NEGR1: variants seen among roughly 807,000 people sequenced by gnomAD.
NEGR1 encodes the protein IgLON family member 4.
A neutral mutation model predicts 40.9 loss-of-function variants in NEGR1; 10 were observed. That is an observed-to-expected ratio of 0.24 (90% CI 0.15 to 0.42). NEGR1 has a LOEUF of 0.42. Among genes scored for constraint, NEGR1 ranks in the 10% least tolerant of loss-of-function variants. The pLI is 1.00. For synonymous variants in NEGR1, 185 were observed against 166.8 expected, an observed-to-expected ratio of 1.11 and a Z score of -0.84; for missense variants, 352 against 438.9, an observed-to-expected ratio of 0.80 and a Z score of 1.77.
chr1:71,880,767 T>C (rs1227533659), intron 2 of NEGR1, among the ~76,000 whole-genome samples: 2 of 152,026 alleles, frequency 1.3e-5, no homozygotes, highest in Non-Finnish European at 2.9e-5. Context: ...AGTAAGAGCT[T>C]TCGACCAAAG....
intron 1 of NEGR1, among the ~76,000 whole-genome samples, chr1:72,205,163 A>G (rs1359822397): frequency 6.6e-6 from 1 of 152,056 alleles, no homozygotes; most frequent in African/African-American, 2.4e-5. Flanking sequence ...AATTGCTAAT[A>G]TGGAATTTAA....
At chr1:71,544,152 T>C (rs1557561286) in intron 6 of NEGR1, among the ~76,000 whole-genome samples, 1 of 151,684 alleles carries the variant, frequency 6.6e-6, no homozygotes. Context: ...ATTTCAACTA[T>C]TTGCTGAAAT....
intron 1 of NEGR1, among the ~76,000 whole-genome samples, chr1:72,034,738 A>G (rs868333230): frequency 5.3e-5 from 8 of 152,188 alleles, no homozygotes; most frequent in African/African-American, 1.4e-4. Flanking sequence ...TTTACGAATG[A>G]TTTTCACAAC....
chr1:71,847,442 C>T (rs897278787), intron 2 of NEGR1, among the ~76,000 whole-genome samples: 3 of 152,124 alleles, frequency 2.0e-5, no homozygotes, highest in Non-Finnish European at 4.4e-5. Context: ...TTTCATGTCT[C>T]TGTGTCCCAT....
intron 4 of NEGR1, among the ~76,000 whole-genome samples, chr1:71,623,591 CT>C (rs141429264): frequency 0.071 from 10,748 of 151,860 alleles, 676 homozygotes; most frequent in African/African-American, 0.15. Context: ...GTTTTGGACA[CT>C]TCTATTTATG....
chr1:71,902,509 C>A (rs1027630415), intron 2 of NEGR1, among the ~76,000 whole-genome samples: 2 of 152,172 alleles, frequency 1.3e-5, no homozygotes, highest in Non-Finnish European at 2.9e-5. Context: ...TTTGTGGTAA[C>A]TGTCTTCAAT....
intron 6 of NEGR1, among the ~76,000 whole-genome samples, chr1:71,438,453 T>G (rs796253813): frequency 6.6e-6 from 1 of 152,190 alleles, no homozygotes; most frequent in Non-Finnish European, 1.5e-5. Flanking sequence ...TAATAAGCTC[T>G]CTAAACAAAC....
chr1:72,247,907 T>A (rs1024160610), intron 1 of NEGR1, among the ~76,000 whole-genome samples: 1 of 152,092 alleles, frequency 6.6e-6, no homozygotes, highest in Non-Finnish European at 1.5e-5. Flanking sequence ...GGTGCCAACA[T>A]CCGCTTGGAT....
chr1:71,692,300 AC>A (rs1362221533), intron 4 of NEGR1, among the ~76,000 whole-genome samples: 3 of 151,842 alleles, frequency 2.0e-5, no homozygotes, highest in East Asian at 3.9e-4. Flanking sequence ...TTAAAAAAAA[AC>A]ATAAAATACA....
At chr1:72,135,150 G>A (rs886364459) in intron 1 of NEGR1, among the ~76,000 whole-genome samples, 1 of 150,540 alleles carries the variant, frequency 6.6e-6, no homozygotes, top group African/African-American at 2.4e-5. Context: ...GCCGAGATGG[G>A]AGGATCACGA....
rs1652426532 is a variant in NEGR1 at position 72,182,676 on chromosome 1, T to C, written c.176+99643A>G. Among the ~76,000 whole-genome samples the C allele has an allele frequency of 3.3e-5, 5 of 151,912 alleles. No homozygotes were observed. In the South Asian group the frequency reaches 1.0e-3, roughly 32 times the overall value. ...TTTATAAGGTCTAAATTGAAAGACA[T>C]TTTGAAATAACAATTATATAATTAT... On this transcript the variant is annotated intron_variant, in intron 1 of 6. Transcript: ENST00000357731.
At chr1:71,772,100 A>T (rs936517218) in intron 3 of NEGR1, among the ~76,000 whole-genome samples, 3 of 152,204 alleles carry the variant, frequency 2.0e-5, no homozygotes, top group African/African-American at 7.2e-5. Context: ...GTGACTCCGG[A>T]TCCGATTCCC....
intron 3 of NEGR1, among the ~76,000 whole-genome samples, chr1:71,727,275 C>T (rs530007790): frequency 6.6e-6 from 1 of 152,082 alleles, no homozygotes; most frequent in East Asian, 1.9e-4. Context: ...AAGGTGATTT[C>T]TAAGTGTGCA....
intron 1 of NEGR1, among the ~76,000 whole-genome samples, chr1:72,207,511 G>A (rs2797540): frequency 0.49 from 74,283 of 151,598 alleles, 19,098 homozygotes; most frequent in African/African-American, 0.63. Context: ...ACAATAAGAA[G>A]TAGCAAACAA....
At chr1:71,863,871 A>T (rs934624293) in intron 2 of NEGR1, among the ~76,000 whole-genome samples, 1 of 152,098 alleles carries the variant, frequency 6.6e-6, no homozygotes, top group Admixed American at 6.6e-5. Flanking sequence ...TTAAAATATC[A>T]TTTCTTAACA....
At chr1:72,007,930 T>A (rs1646622304) in intron 1 of NEGR1, among the ~76,000 whole-genome samples, 1 of 152,090 alleles carries the variant, frequency 6.6e-6, no homozygotes, top group African/African-American at 2.4e-5. Context: ...ATGAGGCATA[T>A]GAAAAAGGAG....
chr1:71,898,981 CATATATATATATATATATATAT>C (rs55674579), intron 2 of NEGR1, among the ~76,000 whole-genome samples: 3 of 51,300 alleles, frequency 5.8e-5, no homozygotes, highest in Non-Finnish European at 1.0e-4. Flanking sequence ...ATATATATAG[CATATATATATATATATATATAT>C]ATATATATAT....
chr1:71,535,433 GC>G (rs1647482701), intron 6 of NEGR1, among the ~76,000 whole-genome samples: 1 of 151,606 alleles, frequency 6.6e-6, no homozygotes, highest in Admixed American at 6.6e-5. Context: ...CTTATGTAAA[GC>G]CACATTGTCT....
At chr1:72,044,541 A>G (rs1439963627) in intron 1 of NEGR1, among the ~76,000 whole-genome samples, 2 of 151,760 alleles carry the variant, frequency 1.3e-5, no homozygotes, top group African/African-American at 4.8e-5. Context: ...TCCAGATTTT[A>G]TTCAAGCAGC....
Sources: gnomAD v4.1 joint callset for allele counts (sites outside exome capture counted in the v4.1 genomes callset) on GRCh38, gnomAD v4.1.1 for gene constraint, MANE v1.5 for transcripts, NCBI Gene and HGNC (gene_info 2026-07-23, HGNC 2026-07-21) for gene names.